KCNAB1: variants seen among roughly 807,000 people sequenced by gnomAD.
KCNAB1 encodes the protein voltage-gated potassium channel subunit beta-1.
KCNAB1 carries 35 observed loss-of-function variants against 64.6 expected under a neutral mutation model. The observed-to-expected ratio is 0.54, with a 90% confidence interval of 0.41 to 0.72. The LOEUF is 0.72. KCNAB1 is among the 30% of genes least tolerant of loss of function. The pLI, the probability that KCNAB1 is intolerant of heterozygous loss-of-function variation, is 0.00. For synonymous variants in KCNAB1, 177 were observed against 183.8 expected (o/e 0.96, Z 0.30); for missense variants, 401 against 512.9 (o/e 0.78, Z 2.11).
chr3:156,283,615 G>A (rs1314106553), intron 1 of KCNAB1, among the ~76,000 whole-genome samples: 1 of 151,812 alleles, frequency 6.6e-6, no homozygotes, highest in Admixed American at 6.6e-5. Flanking sequence ...ATCAGACGTA[G>A]ATTTGGTCTT....
chr3:156,492,903 T>TTCC (rs1715737952), intron 8 of KCNAB1, among the ~76,000 whole-genome samples: 1 of 152,102 alleles, frequency 6.6e-6, no homozygotes. Flanking sequence ...TTGGAAGTAG[T>TTCC]TCCTTCTGCA....
intron 1 of KCNAB1, among the ~76,000 whole-genome samples, chr3:156,257,976 C>T (rs1314440450): frequency 6.6e-6 from 1 of 152,218 alleles, no homozygotes; most frequent in Non-Finnish European, 1.5e-5. Context: ...TCTGCTACAG[C>T]ATACATCCTT....
chr3:156,406,248 T>C (rs776321155), intron 1 of KCNAB1, among the ~76,000 whole-genome samples: 5 of 152,212 alleles, frequency 3.3e-5, no homozygotes, highest in African/African-American at 7.2e-5. Context: ...TCAATCTGCA[T>C]TGTGAAAACC....
chr3:156,455,326 C>T (rs373783332), intron 3 of KCNAB1, among the ~76,000 whole-genome samples: 1 of 152,252 alleles, frequency 6.6e-6, no homozygotes, highest in Non-Finnish European at 1.5e-5. Flanking sequence ...TGACTGTCAA[C>T]ACTTTCTCAG....
At chr3:156,284,565 C>T (rs940536042) in intron 1 of KCNAB1, among the ~76,000 whole-genome samples, 17 of 152,228 alleles carry the variant, frequency 1.1e-4, no homozygotes, top group Admixed American at 2.0e-4. Context: ...CCTCCCCCAG[C>T]CTCGCTGCTG....
At chr3:156,209,739 T>C (rs996351556) in intron 1 of KCNAB1, among the ~76,000 whole-genome samples, 1 of 152,222 alleles carries the variant, frequency 6.6e-6, no homozygotes. Context: ...TCAATATTGG[T>C]GTGTCTGCAA....
At chr3:156,440,143 G>A (rs1286851762) in intron 2 of KCNAB1, among the ~76,000 whole-genome samples, 1 of 152,082 alleles carries the variant, frequency 6.6e-6, no homozygotes, top group East Asian at 1.9e-4. Context: ...ATAGTCTCTG[G>A]GGATACAGAG....
chr3:156,363,338 A>C (rs1351636340), intron 1 of KCNAB1, among the ~76,000 whole-genome samples: 3 of 152,224 alleles, frequency 2.0e-5, no homozygotes, highest in Non-Finnish European at 2.9e-5. Flanking sequence ...TCCAGCCAAA[A>C]TGGATTATGT....
chr3:156,524,746 C>CCAAAAA (rs1718192439), intron 12 of KCNAB1, among the ~76,000 whole-genome samples: 1 of 74,436 alleles, frequency 1.3e-5, no homozygotes, highest in Non-Finnish European at 2.3e-5. Flanking sequence ...GACTCCATCT[C>CCAAAAA]AAAAAAAAAA....
chr3:156,307,053 T>C (rs1180241825), intron 1 of KCNAB1, among the ~76,000 whole-genome samples: 1 of 152,190 alleles, frequency 6.6e-6, no homozygotes, highest in African/African-American at 2.4e-5. Flanking sequence ...TGGGTTGAAA[T>C]TAAGTTAATT....
At chr3:156,160,541 A>G (rs1716016803) in intron 1 of KCNAB1, among the ~76,000 whole-genome samples, 1 of 152,206 alleles carries the variant, frequency 6.6e-6, no homozygotes, top group Non-Finnish European at 1.5e-5. Context: ...GAAAGAGATC[A>G]GTGGAGGTCT....
intron 2 of KCNAB1, among the ~76,000 whole-genome samples, chr3:156,440,401 C>A (rs931227720): frequency 6.6e-6 from 1 of 152,198 alleles, no homozygotes; most frequent in Non-Finnish European, 1.5e-5. Flanking sequence ...AGCATTCTTA[C>A]AATGGAAACT....
At chr3:156,233,901 A>G (rs1716690192) in intron 1 of KCNAB1, among the ~76,000 whole-genome samples, 1 of 151,980 alleles carries the variant, frequency 6.6e-6, no homozygotes. Context: ...GAAAAGAGTT[A>G]GAGTAGGAGC....
chr3:156,129,053 CGTT>C (rs1391809258), intron 1 of KCNAB1, among the ~76,000 whole-genome samples: 11 of 151,954 alleles, frequency 7.2e-5, no homozygotes, highest in Non-Finnish European at 1.3e-4. Context: ...CTTTTATAGT[CGTT>C]CTGTTTAATT....
At chr3:156,259,298 G>C (rs1718292113) in intron 1 of KCNAB1, among the ~76,000 whole-genome samples, 1 of 152,184 alleles carries the variant, frequency 6.6e-6, no homozygotes, top group Non-Finnish European at 1.5e-5. Context: ...GATAAAGTGA[G>C]ATTCCTTTCA....
chr3:156,474,807 C>A lies in KCNAB1; in HGVS notation c.645C>A (p.Asn215Lys). 6.2e-7 allele frequency: 1 copy of A among 1,612,358 alleles called. No individual in the cohort carries two copies. Among genetic ancestry groups the A allele is most frequent in the Non-Finnish European group, 8.5e-7 (1 of 1,178,616 alleles). Residue 215 changes from asparagine (N) to lysine (K), a missense_variant, in exon 8 of 14, where the codon AAC becomes AAA. By Grantham distance (94) the Asn-to-Lys change is moderately conservative. Transcript: ENST00000490337. ...TCTTTGCAAATCGACCGGACAGTAA[C>A]ACTCCCATGGAAGGTAAGTTAAGAA... ...DVVFANRPDS[N>K]TPMEEIVRAM...
chr3:156,438,159 T>C (rs1716718834), intron 2 of KCNAB1, among the ~76,000 whole-genome samples: 1 of 152,226 alleles, frequency 6.6e-6, no homozygotes, highest in African/African-American at 2.4e-5. Flanking sequence ...TCTGGCTTCC[T>C]GTGCAGCTGA....
intron 1 of KCNAB1, among the ~76,000 whole-genome samples, chr3:156,216,757 T>C (rs971616348): frequency 3.3e-5 from 5 of 152,114 alleles, no homozygotes; most frequent in Non-Finnish European, 7.4e-5. Context: ...AATTAGGTAG[T>C]TTTATCCCTG....
intron 1 of KCNAB1, among the ~76,000 whole-genome samples, chr3:156,398,985 CT>C (rs1031855270): frequency 6.6e-6 from 1 of 152,006 alleles, no homozygotes; most frequent in Non-Finnish European, 1.5e-5. Flanking sequence ...TCTCTCATTG[CT>C]TTTTTTTCTC....
Sources: gnomAD v4.1 joint callset for allele counts (sites outside exome capture counted in the v4.1 genomes callset) on GRCh38, gnomAD v4.1.1 for gene constraint, MANE v1.5 for transcripts, NCBI Gene and HGNC (gene_info 2026-07-23, HGNC 2026-07-21) for gene names.